The following TBL1Y variants were observed in gnomAD, a reference collection of about 807,000 sequenced individuals.
The protein encoded by TBL1Y is transducin beta like 1 Y-linked.
A neutral mutation model predicts 12.0 loss-of-function variants in TBL1Y; 15 were observed. The observed-to-expected ratio is 1.25, with a 90% CI of 0.83 to 1.92. TBL1Y has a LOEUF of 1.92. Ranked by LOEUF, TBL1Y falls within the 40% of genes most tolerant of loss-of-function variation. TBL1Y has a pLI of 0.00. For missense variants in TBL1Y, 148 were observed against 116.7 expected, an observed-to-expected ratio of 1.27 and a Z score of -1.24; for synonymous variants, 53 against 42.6, an observed-to-expected ratio of 1.24 and a Z score of -0.95.
chrY:7,043,737 A>G (rs2012742016), intron 7 of TBL1Y, among the ~76,000 whole-genome samples: 1 of 32,834 alleles, frequency 3.0e-5, no homozygotes, highest in Non-Finnish European at 7.4e-5. Context: ...ACATTGCCAC[A>G]TCTGAAAATG....
intron 2 of TBL1Y, among the ~76,000 whole-genome samples, chrY:6,940,132 C>T: frequency 3.6e-5 from 1 of 27,428 alleles, no homozygotes; most frequent in African/African-American, 1.5e-4. Flanking sequence ...CGTGGTGACC[C>T]GTGCCTGTAG....
intron 2 of TBL1Y, among the ~76,000 whole-genome samples, chrY:6,924,063 T>C (rs2011804153): frequency 3.0e-5 from 1 of 33,251 alleles, no homozygotes; most frequent in African/African-American, 1.2e-4. Flanking sequence ...CAAACAGTCT[T>C]CCTGCTTTGG....
chrY:6,931,932 C>A, intron 2 of TBL1Y, among the ~76,000 whole-genome samples: 1 of 33,817 alleles, frequency 3.0e-5, no homozygotes, highest in South Asian at 6.6e-4. Context: ...GCTTTTTCTG[C>A]GTGATGTTGT....
At chrY:7,066,175 G>A (rs2012981572) in intron 8 of TBL1Y, among the ~76,000 whole-genome samples, 1 of 33,826 alleles carries the variant, frequency 3.0e-5, no homozygotes, top group Non-Finnish European at 7.3e-5. Flanking sequence ...CTGAATGATA[G>A]ACCTTCTGCT....
At chrY:6,962,696 A>G in intron 2 of TBL1Y, among the ~76,000 whole-genome samples, 1 of 33,650 alleles carries the variant, frequency 3.0e-5, no homozygotes, top group Non-Finnish European at 7.3e-5. Context: ...ATTTTAGGTA[A>G]AATCCAAGTA....
intron 7 of TBL1Y, among the ~76,000 whole-genome samples, chrY:7,059,485 C>T: frequency 6.2e-5 from 2 of 32,400 alleles, no homozygotes; most frequent in African/African-American, 2.4e-4. Context: ...CAGGAGTCTC[C>T]ATGGTTAGCA....
At chrY:6,914,381 TA>T (rs2011719755) in intron 2 of TBL1Y, among the ~76,000 whole-genome samples, 1 of 30,841 alleles carries the variant, frequency 3.2e-5, no homozygotes. Context: ...AAAAACAAAA[TA>T]AAACAAAACC....
intron 2 of TBL1Y, chrY:6,919,785 A>G (rs2011763614): frequency 8.8e-5 from 3 of 34,115 alleles, no homozygotes; most frequent in South Asian, 1.3e-3. Context: ...TAGGAGCCCA[A>G]TGAATTAAAG....
At chrY:7,009,949 G>A in intron 4 of TBL1Y, among the ~76,000 whole-genome samples, 1 of 30,192 alleles carries the variant, frequency 3.3e-5, no homozygotes, top group Non-Finnish European at 7.9e-5. Flanking sequence ...GAGAATGGCT[G>A]GAACCTGGAA....
chrY:7,022,250 G>GT (rs776834613), intron 5 of TBL1Y, among the ~76,000 whole-genome samples: 32 of 27,731 alleles, frequency 1.2e-3, no homozygotes, highest in East Asian at 9.1e-3. Context: ...GGCATTTTTA[G>GT]TTTTTTTTTT....
intron 2 of TBL1Y, among the ~76,000 whole-genome samples, chrY:6,927,229 T>G: frequency 3.0e-5 from 1 of 33,066 alleles, no homozygotes. Context: ...TGCCCAGCCT[T>G]TTTTTATATT....
At chrY:6,942,953 C>T (rs2011962305) in intron 2 of TBL1Y, among the ~76,000 whole-genome samples, 1 of 32,241 alleles carries the variant, frequency 3.1e-5, no homozygotes, top group African/African-American at 1.2e-4. Context: ...CTGCTCTCCA[C>T]CCTGGACAAC....
At chrY:7,075,526 C>T (rs548504671) in intron 13 of TBL1Y, among the ~76,000 whole-genome samples, 11 of 33,596 alleles carry the variant, frequency 3.3e-4, no homozygotes, top group Admixed American at 1.1e-3. Flanking sequence ...ACAAATGGCT[C>T]CAAATGGAGG....
At chrY:6,998,126 A>T in intron 4 of TBL1Y, among the ~76,000 whole-genome samples, 2 of 34,021 alleles carry the variant, frequency 5.9e-5, no homozygotes, top group African/African-American at 2.3e-4. Context: ...TAAATATGGC[A>T]CAGGCCGGTA....
chrY:7,087,854 G>T (rs2013150030), intron 17 of TBL1Y, among the ~76,000 whole-genome samples: 4 of 33,335 alleles, frequency 1.2e-4, no homozygotes, highest in Admixed American at 1.1e-3. Context: ...TGGGGGAGCA[G>T]CTAACAGGGG....
chrY:7,004,546 A>G (rs2012475095), intron 4 of TBL1Y, among the ~76,000 whole-genome samples: 1 of 34,157 alleles, frequency 2.9e-5, no homozygotes, highest in Admixed American at 2.7e-4. Flanking sequence ...TGTTGGGCTT[A>G]TTTCAGTTAG....
chrY:7,009,155 A>G (rs2012503043), intron 4 of TBL1Y, among the ~76,000 whole-genome samples: 1 of 34,112 alleles, frequency 2.9e-5, no homozygotes, highest in African/African-American at 1.1e-4. Flanking sequence ...CCACTGAGGA[A>G]TCAGAATTCT....
At chrY:6,986,069 C>T in intron 3 of TBL1Y, among the ~76,000 whole-genome samples, 1 of 32,625 alleles carries the variant, frequency 3.1e-5, no homozygotes. Context: ...TGCTTGGGAT[C>T]TGCCACCCCC....
chrY:6,976,867 A>G (rs2012245762), intron 2 of TBL1Y, among the ~76,000 whole-genome samples: 1 of 33,426 alleles, frequency 3.0e-5, no homozygotes, highest in Non-Finnish European at 7.4e-5. Flanking sequence ...CTGGCCCAGA[A>G]TGCATGCTGT....
Sources: allele counts gnomAD v4.1 joint callset (sites outside exome capture counted in the v4.1 genomes callset), GRCh38; gene constraint gnomAD v4.1.1; transcripts MANE v1.5; gene names NCBI Gene and HGNC (gene_info 2026-07-23, HGNC 2026-07-21).